The following TAFA2 variants were observed in gnomAD, a reference collection of about 807,000 sequenced individuals.
TAFA2 encodes the protein chemokine-like protein TAFA-2.
In TAFA2, 7 loss-of-function variants were observed where a neutral mutation model predicts 18.8. The ratio of observed to expected loss-of-function variants is 0.37; its 90% CI spans 0.21 to 0.70. The LOEUF is 0.70. Among genes scored for constraint, TAFA2 ranks in the 30% least tolerant of loss-of-function variants. The probability of loss-of-function intolerance (pLI) is 0.53; values close to 1 mark genes in which losing one functional copy is unlikely to be tolerated. For synonymous variants in TAFA2, 60 were observed against 54.2 expected, an observed-to-expected ratio of 1.11 and a Z score of -0.47; for missense variants, 122 against 158.1, an observed-to-expected ratio of 0.77 and a Z score of 1.23.
At chr12:61,896,723 A>G (rs1476950395) in intron 1 of TAFA2, among the ~76,000 whole-genome samples, 1 of 152,206 alleles carries the variant, frequency 6.6e-6, no homozygotes, top group Non-Finnish European at 1.5e-5. Context: ...AAAGGAAAAA[A>G]GAAGAGGGCT....
chr12:61,935,659 A>G (rs1011117027), intron 1 of TAFA2, among the ~76,000 whole-genome samples: 12 of 152,172 alleles, frequency 7.9e-5, no homozygotes, highest in Non-Finnish European at 1.5e-4. Context: ...TCATTTTTTG[A>G]AAGATCAACT....
intron 1 of TAFA2, among the ~76,000 whole-genome samples, chr12:62,170,277 A>G (rs2062468689): frequency 6.6e-6 from 1 of 152,248 alleles, no homozygotes; most frequent in Non-Finnish European, 1.5e-5. Flanking sequence ...AAATATGTTT[A>G]AGTCAGGTGA....
chr12:61,774,205 G>C (rs1870156547), intron 2 of TAFA2, among the ~76,000 whole-genome samples: 1 of 151,786 alleles, frequency 6.6e-6, no homozygotes, highest in Non-Finnish European at 1.5e-5. Context: ...TGGTGAAAAG[G>C]GAACACTTTT....
intron 2 of TAFA2, among the ~76,000 whole-genome samples, chr12:61,804,920 C>G (rs1237267217): frequency 3.9e-5 from 6 of 151,940 alleles, no homozygotes; most frequent in Admixed American, 2.6e-4. Flanking sequence ...TCTGGAAAGT[C>G]ACCTATACCA....
intron 2 of TAFA2, among the ~76,000 whole-genome samples, chr12:61,786,209 A>C (rs1870731348): frequency 6.6e-6 from 1 of 151,598 alleles, no homozygotes; most frequent in Non-Finnish European, 1.5e-5. Flanking sequence ...ACCATGCATA[A>C]GGACTTGTAC....
intron 2 of TAFA2, among the ~76,000 whole-genome samples, chr12:61,758,989 T>C (rs188191882): frequency 1.4e-4 from 21 of 152,056 alleles, no homozygotes; most frequent in African/African-American, 5.1e-4. Flanking sequence ...TCTGTTCTCT[T>C]TCATGGTCCT....
At chr12:61,773,276 A>C (rs1425585004) in intron 2 of TAFA2, among the ~76,000 whole-genome samples, 1 of 152,104 alleles carries the variant, frequency 6.6e-6, no homozygotes, top group African/African-American at 2.4e-5. Flanking sequence ...AAATAATCAT[A>C]CTGCCAAATG....
intron 2 of TAFA2, among the ~76,000 whole-genome samples, chr12:61,757,739 A>G (rs1357366547): frequency 6.6e-6 from 1 of 152,100 alleles, no homozygotes; most frequent in Non-Finnish European, 1.5e-5. Flanking sequence ...GGAATGAAGA[A>G]ATAGAAGACA....
chr12:62,213,641 CA>C (rs5798637), intron 1 of TAFA2, among the ~76,000 whole-genome samples: 22 of 145,276 alleles, frequency 1.5e-4, no homozygotes, highest in East Asian at 4.1e-4. Context: ...GACTCTGTCT[CA>C]AAAAAAAAAA....
intron 1 of TAFA2, among the ~76,000 whole-genome samples, chr12:62,118,987 C>A (rs2136876530): frequency 6.6e-6 from 1 of 152,108 alleles, no homozygotes; most frequent in South Asian, 2.1e-4. Context: ...ATGTTTTATG[C>A]CTTATTTAAG....
chr12:61,954,666 A>G (rs1878590507), intron 1 of TAFA2, among the ~76,000 whole-genome samples: 1 of 152,108 alleles, frequency 6.6e-6, no homozygotes, highest in Non-Finnish European at 1.5e-5. Context: ...AGAATCCTTC[A>G]TGTAACTTTG....
chr12:61,934,780 A>C (rs894551155), intron 1 of TAFA2, among the ~76,000 whole-genome samples: 7 of 152,226 alleles, frequency 4.6e-5, no homozygotes, highest in African/African-American at 1.4e-4. Context: ...TATGTTTATC[A>C]CATAGTGAAT....
intron 1 of TAFA2, among the ~76,000 whole-genome samples, chr12:62,101,287 T>G (rs1436357855): frequency 1.3e-5 from 2 of 152,150 alleles, no homozygotes; most frequent in Non-Finnish European, 2.9e-5. Context: ...ACCAATACAG[T>G]GCCATGGCTG....
intron 1 of TAFA2, among the ~76,000 whole-genome samples, chr12:61,909,724 C>G (rs1876520458): frequency 6.6e-6 from 1 of 152,096 alleles, no homozygotes; most frequent in Non-Finnish European, 1.5e-5. Flanking sequence ...TGAGAGTGGT[C>G]ACATCTAAAG....
intron 1 of TAFA2, among the ~76,000 whole-genome samples, chr12:62,165,464 T>G (rs1036200598): frequency 6.6e-6 from 1 of 152,122 alleles, no homozygotes; most frequent in Non-Finnish European, 1.5e-5. Flanking sequence ...TCTTGAGCCC[T>G]AGTCTTTCCT....
chr12:61,919,520 C>T (rs1437160280), intron 1 of TAFA2, among the ~76,000 whole-genome samples: 5 of 152,166 alleles, frequency 3.3e-5, no homozygotes, highest in Non-Finnish European at 1.5e-5. Flanking sequence ...TTCATGGCTC[C>T]TAAGTTCCAT....
chr12:61,967,096 A>AG, intron 1 of TAFA2, among the ~76,000 whole-genome samples: 1 of 151,994 alleles, frequency 6.6e-6, no homozygotes, highest in South Asian at 2.1e-4. Flanking sequence ...ACTATATTAC[A>AG]GGGGGTCCTG....
chr12:61,921,288 G>C (rs1273632840), intron 1 of TAFA2, among the ~76,000 whole-genome samples: 1 of 152,172 alleles, frequency 6.6e-6, no homozygotes, highest in East Asian at 1.9e-4. Flanking sequence ...AACTAACCCA[G>C]GTAAGAGATA....
intron 1 of TAFA2, among the ~76,000 whole-genome samples, chr12:62,032,469 A>G (rs1213899711): frequency 6.6e-6 from 1 of 152,176 alleles, no homozygotes; most frequent in African/African-American, 2.4e-5. Flanking sequence ...AAAAAACATT[A>G]TGTTTGTACT....
Sources: gnomAD v4.1 joint callset for allele counts (sites outside exome capture counted in the v4.1 genomes callset) on GRCh38, gnomAD v4.1.1 for gene constraint, MANE v1.5 for transcripts, NCBI Gene and HGNC (gene_info 2026-07-23, HGNC 2026-07-21) for gene names.